RALGAPB: variants seen among roughly 807,000 people sequenced by gnomAD.
The protein encoded by RALGAPB is Ral GTPase activating protein non-catalytic subunit beta.
A neutral mutation model predicts 161.1 loss-of-function variants in RALGAPB; 25 were observed. The observed-to-expected ratio is 0.16, with a 90% confidence interval of 0.11 to 0.22. RALGAPB has a LOEUF of 0.22. Ranked by LOEUF, RALGAPB falls within the 10% of genes least tolerant of loss-of-function variation. The pLI, the probability that RALGAPB is intolerant of heterozygous loss-of-function variation, is 1.00. For synonymous variants in RALGAPB, 629 were observed against 626.1 expected (o/e 1.00, Z -0.07); for missense variants, 1,391 against 1,815.2 (o/e 0.77, Z 4.25).
Position 38,497,458 on chromosome 20 carries a change from C to T in RALGAPB, c.495C>T (p.Val165=), listed in dbSNP as rs1416628424. 6.2e-6 allele frequency: 10 copies of T among 1,614,124 alleles called. No individual in the cohort carries two copies. Among genetic ancestry groups the T allele is most frequent in the Non-Finnish European group, 8.5e-6 (10 of 1,180,002 alleles). ...SSLMARETWE[V]LLLFLLQIND... The stretch of plus-strand genomic sequence containing the variant: ...TCATGGCCCGAGAAACTTGGGAAGT[C>T]TTACTGTTGTTTCTTCTGCAGATTA... The change falls in exon 4 of 30, where the codon GTC becomes GTT. Residue 165 remains valine, a synonymous_variant. Transcript: ENST00000262879.
In RALGAPB at chr20:38,546,337, C is replaced by T. The variant is rs1400104661; in HGVS notation, c.2809C>T (p.Leu937=). 1 of 1,614,126 alleles carries T rather than the reference C, an allele frequency of 6.2e-7. No homozygotes were observed. The highest frequency in any genetic ancestry group is 1.1e-5 in the South Asian group (1 of 91,084). Residue 937 remains leucine, a synonymous_variant, in exon 19 of 30, where the codon CTG becomes TTG. Coordinates refer to ENST00000262879, the MANE Select transcript of RALGAPB (RefSeq NM_020336.4). Reference sequence around the variant, plus strand: ...GACCACTTTGATTAAATACTCCAGGCTGCCAACCATAAACAAGCATAGTTT... The same window carrying T: ...GACCACTTTGATTAAATACTCCAGGTTGCCAACCATAAACAAGCATAGTTT... The part of the protein sequence containing the change: ...NETTLIKYSR[L]PTINKHSFRY...
At chr20:38,483,972 C>T (rs1362201818) in intron 1 of RALGAPB, among the ~76,000 whole-genome samples, 1 of 152,022 alleles carries the variant, frequency 6.6e-6, no homozygotes, top group African/African-American at 2.4e-5. Context: ...GGGTGGATCA[C>T]AAGGTCAGGA....
intron 26 of RALGAPB, chr20:38,569,317 A>C (rs2088137123): frequency 6.7e-6 from 1 of 150,230 alleles, no homozygotes; most frequent in East Asian, 1.9e-4. Flanking sequence ...AGTCCTGTTA[A>C]CCTTGCAGTG....
At chr20:38,501,801 A>G (rs2085603416) in intron 5 of RALGAPB, among the ~76,000 whole-genome samples, 1 of 152,180 alleles carries the variant, frequency 6.6e-6, no homozygotes, top group African/African-American at 2.4e-5. Context: ...AATTAAAAAT[A>G]GTGGAAAATT....
At chr20:38,562,929 T>C (rs2087838970) in intron 24 of RALGAPB, among the ~76,000 whole-genome samples, 1 of 152,116 alleles carries the variant, frequency 6.6e-6, no homozygotes. Flanking sequence ...TGAAAACATT[T>C]CTAGGCTTGA....
chr20:38,480,503 C>T (rs1448806957), intron 1 of RALGAPB, among the ~76,000 whole-genome samples: 2 of 150,014 alleles, frequency 1.3e-5, no homozygotes, highest in African/African-American at 5.0e-5. Flanking sequence ...TCCTCTGCTT[C>T]AGCCTCCTGA....
At chr20:38,523,317 G>A (rs1005834073) in intron 10 of RALGAPB, among the ~76,000 whole-genome samples, 1 of 152,150 alleles carries the variant, frequency 6.6e-6, no homozygotes, top group African/African-American at 2.4e-5. Flanking sequence ...GTCACATAAG[G>A]GTGTTGGAGC....
At chr20:38,488,645 TATATG>T (rs767752899) in intron 2 of RALGAPB, 27 bp downstream of exon 2, 1 of 1,575,530 alleles carries the variant, frequency 6.3e-7, no homozygotes, top group Non-Finnish European at 8.7e-7. Context: ...TTCATTCTCT[TATATG>T]AAAATGTACA....
intron 23 of RALGAPB, among the ~76,000 whole-genome samples, chr20:38,561,737 G>T (rs1477271372): frequency 6.6e-6 from 1 of 152,130 alleles, no homozygotes; most frequent in Non-Finnish European, 1.5e-5. Flanking sequence ...TTGCCATCTT[G>T]GGCCAGATAA....
intron 19 of RALGAPB, 60 bp from the exon 20 acceptor site, chr20:38,548,629 A>G (rs2087255314): frequency 1.3e-5 from 17 of 1,333,814 alleles, no homozygotes; most frequent in Non-Finnish European, 3.2e-6. Context: ...GTTGATAACA[A>G]GTTTATTTTA....
chr20:38,479,901 T>C (rs1011283243), intron 1 of RALGAPB, among the ~76,000 whole-genome samples: 2 of 152,222 alleles, frequency 1.3e-5, no homozygotes, highest in Non-Finnish European at 2.9e-5. Flanking sequence ...CCCTTCAGTG[T>C]ATCTTGGACA....
chr20:38,515,627 TG>T (rs2086102290), intron 6 of RALGAPB, among the ~76,000 whole-genome samples: 1 of 152,212 alleles, frequency 6.6e-6, no homozygotes, highest in Non-Finnish European at 1.5e-5. Context: ...CAAATATAGT[TG>T]TTTTTTTTTA....
chr20:38,554,171 A>T (rs952547566), intron 22 of RALGAPB, 95 bp downstream of exon 22: 1 of 988,982 alleles, frequency 1.0e-6, no homozygotes, highest in Non-Finnish European at 1.4e-6. Flanking sequence ...AAGCGAATTA[A>T]AAAAAAAAAA....
chr20:38,516,686 T>C (rs561843186), intron 7 of RALGAPB: 25 of 216,840 alleles, frequency 1.2e-4, no homozygotes, highest in Non-Finnish European at 2.3e-4. Flanking sequence ...AGTAGATAAA[T>C]GGACAAAGGA....
Position 38,524,819 on chromosome 20 carries a change from A to C in RALGAPB, c.1661A>C (p.Tyr554Ser). ...ATTCAAGGTTTGCAGATAAATGATT[A>C]TGTGTGCCATCCTGTCTTGGCCAGC... Reference protein sequence around the residue: ...LLIQGLQINDYVCHPVLASVI... With the variant: ...LLIQGLQINDSVCHPVLASVI... Residue 554 changes from tyrosine to serine, a missense_variant, in exon 11 of 30, where the codon TAT (tyrosine) becomes TCT (serine). Physicochemically the swap from Tyr to Ser is moderately radical, Grantham distance 144. Around this residue, in one of 3 missense-constraint regions of RALGAPB, gnomAD observed 946 missense variants for 1,257.2 expected, o/e 0.75. Transcript: ENST00000262879. The C allele has an allele frequency of 6.2e-7, 1 of 1,609,974 alleles. No homozygotes were observed. Among genetic ancestry groups the C allele is most frequent in the Non-Finnish European group, 8.5e-7 (1 of 1,176,236 alleles).
intron 13 of RALGAPB, among the ~76,000 whole-genome samples, chr20:38,530,344 T>G (rs906251409): frequency 7.9e-5 from 12 of 152,226 alleles, no homozygotes; most frequent in African/African-American, 2.7e-4. Context: ...TGTTTACATT[T>G]CTCTGGACTG....
intron 5 of RALGAPB, among the ~76,000 whole-genome samples, chr20:38,505,966 T>A (rs906733012): frequency 5.3e-5 from 8 of 152,242 alleles, no homozygotes; most frequent in African/African-American, 9.6e-5. Flanking sequence ...CTGTGGGTTC[T>A]GTATCCATGG....
At chr20:38,492,869 A>T in intron 2 of RALGAPB, 61 bp from the exon 3 acceptor site, 1 of 1,356,268 alleles carries the variant, frequency 7.4e-7, no homozygotes, top group Non-Finnish European at 1.0e-6. Flanking sequence ...TTGACATTTT[A>T]AATCAGTCTA....
intron 3 of RALGAPB, among the ~76,000 whole-genome samples, chr20:38,494,995 A>C (rs1057376892): frequency 6.6e-6 from 1 of 152,246 alleles, no homozygotes; most frequent in Non-Finnish European, 1.5e-5. Context: ...GTATGTGTGC[A>C]TAAGTGTTAG....
Sources: gnomAD v4.1 joint callset for allele counts (sites outside exome capture counted in the v4.1 genomes callset) on GRCh38, gnomAD v4.1.1 for gene constraint, gnomAD v4.1.1 regional missense constraint, MANE v1.5 for transcripts, NCBI Gene and HGNC (gene_info 2026-07-23, HGNC 2026-07-21) for gene names.